CHIT1: variants seen among roughly 807,000 people sequenced by gnomAD.
The protein encoded by CHIT1 is chitinase 1.
CHIT1 carries 47 observed loss-of-function variants against 52.0 expected under a neutral mutation model. That is an observed-to-expected ratio of 0.90 (90% CI 0.71 to 1.15). CHIT1 has a LOEUF of 1.15. Among genes scored for constraint, CHIT1 ranks in the 50% most tolerant of loss-of-function variants. CHIT1 has a pLI of 0.00. For synonymous variants in CHIT1, 242 were observed against 228.2 expected (o/e 1.06, Z -0.54); for missense variants, 569 against 583.0 (o/e 0.98, Z 0.25).
chr1:203,225,183 G>A (rs1656880129), intron 3 of CHIT1, 79 bp from the exon 4 acceptor site: 2 of 1,331,026 alleles, frequency 1.5e-6, no homozygotes, highest in Admixed American at 1.7e-5. Context: ...CAGTGGGGAG[G>A]AACAACAGGG....
rs1224824500 is a variant in CHIT1 at position 203,225,645 on chromosome 1, C to T, written c.257+24G>A. On this transcript the variant is annotated intron_variant, in intron 3 of 10. Coordinates refer to ENST00000367229, the MANE Select transcript of CHIT1 (RefSeq NM_003465.3). ...CTGTCACCCCACCACATCCCACCCA[C>T]CCTGCTCCTCTGCTTTGGCTCACAT... 6.2e-6 allele frequency: 10 copies of T among 1,608,658 alleles called. No individual in the cohort carries two copies. The African/African-American group carries it at 8.0e-5, about 13-fold the overall frequency.
chr1:203,219,179 C>T, intron 9 of CHIT1, 37 bp downstream of exon 9: 1 of 1,110,192 alleles, frequency 9.0e-7, no homozygotes, highest in Non-Finnish European at 1.4e-6. Flanking sequence ...GACTTGTTCA[C>T]TAGGACCACC....
rs1656661864 is a variant in CHIT1, at chr1:203,219,701, G to A, written c.878C>T (p.Pro293Leu). The A allele has an allele frequency of 6.2e-7, 1 of 1,613,998 alleles. No individual in the cohort carries two copies. Among genetic ancestry groups the A allele is most frequent in the African/African-American group, 1.3e-5 (1 of 74,894 alleles). Residue 293 changes from proline (P) to leucine (L), a missense_variant, in exon 8 of 11, where the codon CCC (proline) becomes CTC (leucine). Pro to Leu is a moderately conservative substitution (Grantham distance 98, BLOSUM62 -3). Coordinates refer to ENST00000367229, the MANE Select transcript of CHIT1 (RefSeq NM_003465.3). ...CAGCATCCCTCCTTCCTTGGTGAAG[G>A]GGCCTGGAGTGCCAGACCCTGTGGC... ...APATGSGTPGPFTKEGGMLAY... is the reference protein window; with the variant it reads ...APATGSGTPGLFTKEGGMLAY...
intron 2 of CHIT1, among the ~76,000 whole-genome samples, chr1:203,227,386 G>A (rs930584790): frequency 1.3e-5 from 2 of 152,210 alleles, no homozygotes; most frequent in African/African-American, 4.8e-5. Flanking sequence ...GAAGGAGCCA[G>A]GAAGCTCTTT....
rs1203028968 is a variant in CHIT1 at position 203,225,610 on chromosome 1, A to G, written c.257+59T>C. On this transcript the variant is annotated intron_variant, in intron 3 of 10. Coordinates refer to ENST00000367229, the MANE Select transcript of CHIT1 (RefSeq NM_003465.3). ...TGCTGGAGAGGTGTCTGGCTCTGGG[A>G]GGAGGTTATCTGTCACCCCACCACA... 20 of 1,551,300 alleles carry G rather than the reference A, an allele frequency of 1.3e-5. No homozygotes were observed. In the East Asian group the frequency reaches 4.3e-4, roughly 33 times the overall value.
chr1:203,223,447 C>G, intron 5 of CHIT1, 48 bp downstream of exon 5: 2 of 1,611,184 alleles, frequency 1.2e-6, no homozygotes, highest in Non-Finnish European at 1.7e-6. Context: ...GGGGCTCCAG[C>G]TCTGGGTCCC....
chr1:203,219,905 T>G lies in CHIT1; in HGVS notation c.730-56A>C, dbSNP rs1009398240. The G allele has an allele frequency of 1.9e-6, 3 of 1,595,058 alleles. No homozygotes were observed. The African/African-American group carries it at 4.0e-5, about 21-fold the overall frequency. ...AGCCCTCAGCCTGGTTCTGATTATC[T>G]AAGTCTGGGGGATCCAGAGGCAGAG... On this transcript the variant is annotated intron_variant, in intron 7 of 10. Coordinates refer to ENST00000367229, the MANE Select transcript of CHIT1 (RefSeq NM_003465.3).
intron 7 of CHIT1, among the ~76,000 whole-genome samples, chr1:203,221,061 A>T (rs1329547115): frequency 6.6e-6 from 1 of 152,210 alleles, no homozygotes; most frequent in Non-Finnish European, 1.5e-5. Context: ...CCAGACAGGG[A>T]TGGAGAGGCC....
rs190551025 is a variant in CHIT1, at chr1:203,225,876, C to T, written c.56-6G>A. ...GACCAGTTTTGCAGCAGAGCCTGGC[C>T]CGTTGGAGTAAAGAAAAGGGATAGC... On this transcript the variant is annotated splice_polypyrimidine_tract_variant and splice_region_variant and intron_variant, in intron 2 of 10. Coordinates refer to ENST00000367229, the MANE Select transcript of CHIT1 (RefSeq NM_003465.3). The T allele has an allele frequency of 1.6e-4, 261 of 1,614,040 alleles. No homozygotes were observed. In the East Asian group the frequency reaches 5.4e-3, roughly 33 times the overall value.
chr1:203,218,213 T>TAGTCAA (rs1656608865), intron 9 of CHIT1: 4 of 704,740 alleles, frequency 5.7e-6, no homozygotes, highest in Non-Finnish European at 8.2e-6. Flanking sequence ...TATTGTATGC[T>TAGTCAA]GGTCAAGGTC....
rs778272237 is a variant in CHIT1, at chr1:203,216,976, G to A, written c.1314C>T (p.Tyr438=). 1.3e-5 allele frequency: 21 copies of A among 1,614,096 alleles called. No individual in the cohort carries two copies. The Admixed American group carries it at 1.3e-4, about 10-fold the overall frequency. ...YPNPRERSSF[Y]SCAAGRLFQQ... ...GGAACAGCCGCCCCGCTGCACAGCT[G>A]TAGAAGCTGGACCGTTCCCGAGGAT... The change falls in exon 11 of 11, where the codon TAC becomes TAT. Residue 438 remains tyrosine, a synonymous_variant. Transcript: ENST00000367229.
In CHIT1 at chr1:203,223,162, G is replaced by C. The variant is rs140770731; in HGVS notation, c.578C>G (p.Ala193Gly). Reference protein sequence around the residue: ...AVPAGQTYVDAGYEVDKIAQN... With the variant: ...AVPAGQTYVDGGYEVDKIAQN... ...GGCGATTTTGTCCACCTCGTATCCA[G>C]CATCCACATAGGTCTGCCCAGCTGG... The change falls in exon 6 of 11, where the codon GCT becomes GGT. Residue 193 changes from alanine (A) to glycine (G), a missense_variant. Ala to Gly is a moderately conservative substitution (Grantham distance 60). Coordinates refer to ENST00000367229, the MANE Select transcript of CHIT1 (RefSeq NM_003465.3). 1 of 1,614,170 alleles carries C rather than the reference G, an allele frequency of 6.2e-7. No homozygotes were observed. Among genetic ancestry groups the C allele is most frequent in the African/African-American group, 1.3e-5 (1 of 75,070 alleles).
At chr1:203,223,319 A>G in intron 5 of CHIT1, 60 bp from the exon 6 acceptor site, 1 of 1,604,178 alleles carries the variant, frequency 6.2e-7, no homozygotes, top group African/African-American at 1.4e-5. Flanking sequence ...AGCCCCTGTG[A>G]GCCCCAGGTA....
chr1:203,227,552 C>T (rs757450334), intron 2 of CHIT1, among the ~76,000 whole-genome samples: 2 of 152,210 alleles, frequency 1.3e-5, no homozygotes, highest in Non-Finnish European at 2.9e-5. Flanking sequence ...ACTCAGCTTC[C>T]TCCTGTGTGA....
chr1:203,223,738 A>G, intron 4 of CHIT1, 78 bp from the exon 5 acceptor site: 1 of 1,450,226 alleles, frequency 6.9e-7, no homozygotes, highest in Non-Finnish European at 9.7e-7. Flanking sequence ...CAGGCAAGAA[A>G]ACACTCAGGA....
rs541357332 is a variant in CHIT1, at chr1:203,222,146, C to T, written c.729+56G>A. 8.7e-6 allele frequency: 14 copies of T among 1,611,330 alleles called. No individual in the cohort carries two copies. In the African/African-American group the frequency reaches 1.2e-4, roughly 14 times the overall value. On this transcript the variant is annotated intron_variant, in intron 7 of 10. Coordinates refer to ENST00000367229, the MANE Select transcript of CHIT1 (RefSeq NM_003465.3). ...GGGCCTCGGGGCTCAAAAGAAGCCA[C>T]CAAACAGGGCCTGCTGGACAGGGGA...
chr1:203,217,392 C>T (rs749411424), intron 10 of CHIT1: 126 of 1,495,822 alleles, frequency 8.4e-5, no homozygotes, highest in Non-Finnish European at 1.1e-4. Flanking sequence ...CAACCATATA[C>T]TGCTGAGGGC....
In CHIT1 at chr1:203,229,656, C is replaced by G; in HGVS notation, c.-20G>C. The G allele has an allele frequency of 1.9e-6, 3 of 1,613,326 alleles. No individual in the cohort carries two copies. The highest frequency in any genetic ancestry group is 2.5e-6 in the Non-Finnish European group (3 of 1,179,478). On this transcript the variant is annotated 5_prime_UTR_variant, in exon 1 of 11. Coordinates refer to ENST00000367229, the MANE Select transcript of CHIT1 (RefSeq NM_003465.3). ...CACCATGATGCAGCTCAGCGGCAGG[C>G]TGCAGCCCATACAAACCAGCTTTCC... is the stretch of plus-strand genomic sequence containing the variant.
chr1:203,219,213 C>A lies in CHIT1; in HGVS notation c.1029+3G>T. 6.5e-7 allele frequency: 1 copy of A among 1,533,466 alleles called. No individual in the cohort carries two copies. Among genetic ancestry groups the A allele is most frequent in the African/African-American group, 1.4e-5 (1 of 73,530 alleles). 95.0% of individuals were successfully genotyped at this position (1,533,466 alleles called of 1,614,324 possible). On this transcript the variant is annotated splice_donor_region_variant and intron_variant, in intron 9 of 10. Transcript: ENST00000367229. ...CCCCTCTGCCAGCAGAGCTGGGCCT[C>A]ACCTTGGTTTTGAAGCTCTCCACAT...
Sources: gnomAD v4.1 joint callset for allele counts (sites outside exome capture counted in the v4.1 genomes callset) on GRCh38, gnomAD v4.1.1 for gene constraint, MANE v1.5 for transcripts, NCBI Gene and HGNC (gene_info 2026-07-23, HGNC 2026-07-21) for gene names.